The following ZFYVE16 variants were observed in gnomAD, a reference collection of about 807,000 sequenced individuals.
ZFYVE16 encodes the protein zinc finger FYVE domain-containing protein 16.
In ZFYVE16, 89 loss-of-function variants were observed where a neutral mutation model predicts 138.1. The observed-to-expected ratio is 0.64, with a 90% confidence interval of 0.54 to 0.77. The LOEUF is 0.77. Ranked by LOEUF, ZFYVE16 falls within the 30% of genes least tolerant of loss-of-function variation. The probability of loss-of-function intolerance (pLI) is 0.00; values close to 1 mark genes in which losing one functional copy is unlikely to be tolerated. For synonymous variants in ZFYVE16, 596 were observed against 618.3 expected (o/e 0.96, Z 0.53); for missense variants, 1,793 against 1,786.7 (o/e 1.00, Z -0.06).
At chr5:80,456,099 AAGTC>A (rs1338385635) in intron 12 of ZFYVE16, 2 of 306,016 alleles carry the variant, frequency 6.5e-6, no homozygotes, top group Non-Finnish European at 1.2e-5. Context: ...TGTATTAGTA[AAGTC>A]AGTCAGTCTT....
chr5:80,449,374 A>G (rs114914978), intron 8 of ZFYVE16, among the ~76,000 whole-genome samples: 4,544 of 152,328 alleles, frequency 0.03, 80 homozygotes, highest in South Asian at 0.047. Context: ...TAAATATACT[A>G]TATGTAATAT....
At chr5:80,427,610 C>CTTTTTTTTGTTTTTT (rs1748276153) in intron 2 of ZFYVE16, 65 bp downstream of exon 2, 1 of 50,008 alleles carries the variant, frequency 2.0e-5, no homozygotes, top group Non-Finnish European at 4.1e-5. Context: ...CTGTCGTATG[C>CTTTTTTTTGTTTTTT]TTTTTTTTTT....
Position 80,465,396 on chromosome 5 carries a change from C to CTTTGT in ZFYVE16, c.4024+5906_4024+5910dup, listed in dbSNP as rs1580341583. Among the ~76,000 whole-genome samples, 59 of 26,400 alleles carry CTTTGT rather than the reference C, an allele frequency of 2.2e-3. 1 individual carries two copies. Among genetic ancestry groups the CTTTGT allele is most frequent in the African/African-American group, 4.8e-3 (57 of 11,908 alleles). 17.3% of individuals were successfully genotyped at this position (26,400 alleles called of 152,430 possible). On this transcript the variant is annotated intron_variant, in intron 15 of 18. Transcript: ENST00000505560. ...CCATGGTTTCTTTTTTTTTCCTTTT[C>CTTTGT]TTTGTTTTTTTTTTTTTTTTTTTTT... is the stretch of plus-strand genomic sequence containing the variant.
chr5:80,428,321 C>T (rs886395092), intron 2 of ZFYVE16, among the ~76,000 whole-genome samples: 4 of 152,212 alleles, frequency 2.6e-5, no homozygotes, highest in Non-Finnish European at 5.9e-5. Context: ...TCTGCAGCCT[C>T]CGCTGCTGAA....
chr5:80,425,807 A>G (rs532614893), intron 1 of ZFYVE16, among the ~76,000 whole-genome samples: 31 of 152,138 alleles, frequency 2.0e-4, no homozygotes, highest in African/African-American at 6.5e-4. Flanking sequence ...GGTGAAATTG[A>G]TTGTTGGGTT....
intron 15 of ZFYVE16, among the ~76,000 whole-genome samples, chr5:80,459,807 CAT>C (rs1389190124): frequency 1.3e-5 from 2 of 152,164 alleles, no homozygotes; most frequent in African/African-American, 4.8e-5. Context: ...TCATTCTTCA[CAT>C]AGTTATATGG....
chr5:80,453,117 G>A (rs974912138), intron 11 of ZFYVE16, among the ~76,000 whole-genome samples: 4 of 152,106 alleles, frequency 2.6e-5, no homozygotes, highest in African/African-American at 9.7e-5. Flanking sequence ...TACTATTTCA[G>A]AATAGACAAA....
chr5:80,475,330 A>T (rs1754794556), intron 18 of ZFYVE16, among the ~76,000 whole-genome samples: 1 of 152,254 alleles, frequency 6.6e-6, no homozygotes. Context: ...CACCTCGCTG[A>T]ATATTTGCGG....
At chr5:80,434,009 T>C in intron 2 of ZFYVE16, 100 bp from the exon 3 acceptor site, 1 of 774,948 alleles carries the variant, frequency 1.3e-6, no homozygotes, top group Non-Finnish European at 2.0e-6. Context: ...TAAATTTTAT[T>C]TCTGTGTCAA....
rs139067771 is a variant in ZFYVE16, at chr5:80,411,342, G to C, written c.-94+3189G>C. Among the ~76,000 whole-genome samples the C allele has an allele frequency of 3.3e-5, 5 of 151,842 alleles. No individual in the cohort carries two copies. In the East Asian group the frequency reaches 7.7e-4, roughly 23 times the overall value. On this transcript the variant is annotated intron_variant, in intron 1 of 18. Coordinates refer to ENST00000505560, the MANE Select transcript of ZFYVE16 (RefSeq NM_001284236.3). ...AAGACATATCATGTAGCTCTGAAAG[G>C]CTTACATAATCCCATTCCTAGATTT...
intron 1 of ZFYVE16, among the ~76,000 whole-genome samples, chr5:80,416,907 A>T (rs933788277): frequency 2.0e-5 from 3 of 152,148 alleles, no homozygotes; most frequent in African/African-American, 7.2e-5. Flanking sequence ...GAGATATGTT[A>T]GTATATGTGT....
intron 1 of ZFYVE16, among the ~76,000 whole-genome samples, chr5:80,412,103 C>T (rs1745537723): frequency 1.3e-5 from 2 of 152,096 alleles, no homozygotes; most frequent in African/African-American, 2.4e-5. Flanking sequence ...TCATTTTAGC[C>T]ACCTTTATAT....
chr5:80,425,050 G>A (rs566009812), intron 1 of ZFYVE16, among the ~76,000 whole-genome samples: 10 of 152,272 alleles, frequency 6.6e-5, no homozygotes, highest in African/African-American at 1.4e-4. Flanking sequence ...TCTTTGTATC[G>A]TCTGGTGTAA....
intron 1 of ZFYVE16, among the ~76,000 whole-genome samples, chr5:80,425,576 G>T (rs1345779956): frequency 2.0e-5 from 3 of 152,142 alleles, no homozygotes; most frequent in African/African-American, 7.2e-5. Flanking sequence ...TGGATTGGAG[G>T]TGTAAGAAAA....
Position 80,477,360 on chromosome 5 carries a change from A to G in ZFYVE16, c.4603A>G (p.Ile1535Val). The change falls in exon 19 of 19, where the codon ATA becomes GTA. Residue 1535 changes from isoleucine to valine, a missense_variant. Physicochemically the swap from Ile to Val is conservative, Grantham distance 29. Transcript: ENST00000505560. ...PLEIELVFFI[I>V]EHLF ...AGAAATAGAATTAGTGTTTTTCATT[A>G]TAGAACATCTTTTTTAGTGAAAGAA... 3 of 1,605,212 alleles carry G rather than the reference A, an allele frequency of 1.9e-6. No individual in the cohort carries two copies. The South Asian group carries it at 3.4e-5, about 18-fold the overall frequency.
At chr5:80,460,504 C>T (rs1400443970) in intron 15 of ZFYVE16, among the ~76,000 whole-genome samples, 1 of 152,098 alleles carries the variant, frequency 6.6e-6, no homozygotes, top group Non-Finnish European at 1.5e-5. Flanking sequence ...AGATATTCTC[C>T]TATGTTGTCT....
Position 80,477,476 on chromosome 5 carries a change from C to A in ZFYVE16, c.*99C>A. The stretch of plus-strand genomic sequence containing the variant: ...ACAAACACTAAAAGTATAAATATGT[C>A]TGATTTTTGAAACACATAAGCTTTG... On this transcript the variant is annotated 3_prime_UTR_variant, in exon 19 of 19. Transcript: ENST00000505560. The A allele has an allele frequency of 1.7e-6, 2 of 1,157,850 alleles. No homozygotes were observed. Among genetic ancestry groups the A allele is most frequent in the South Asian group, 1.9e-5 (1 of 52,902 alleles). 71.7% of individuals were successfully genotyped at this position (1,157,850 alleles called of 1,614,324 possible). A position where few individuals can be genotyped will look rare whatever the true frequency, so the allele number is the denominator to read the frequency against.
chr5:80,428,201 C>T (rs1459784359), intron 2 of ZFYVE16, among the ~76,000 whole-genome samples: 2 of 152,058 alleles, frequency 1.3e-5, no homozygotes, highest in South Asian at 2.1e-4. Flanking sequence ...CTGGGAGGCA[C>T]CCCCGAGTAG....
chr5:80,411,134 A>ATTTTTTT (rs58086060), intron 1 of ZFYVE16, among the ~76,000 whole-genome samples: 49 of 95,234 alleles, frequency 5.1e-4, no homozygotes, highest in Non-Finnish European at 6.1e-4. Flanking sequence ...CGCCCAGCTA[A>ATTTTTTT]TTTTTTTTTT....
Sources: gnomAD v4.1 joint callset for allele counts (sites outside exome capture counted in the v4.1 genomes callset) on GRCh38, gnomAD v4.1.1 for gene constraint, MANE v1.5 for transcripts, NCBI Gene and HGNC (gene_info 2026-07-23, HGNC 2026-07-21) for gene names.